The following PRPSAP2 variants were observed in gnomAD, a reference collection of about 807,000 sequenced individuals.
PRPSAP2 encodes the protein phosphoribosyl pyrophosphate synthetase associated protein 2.
A neutral mutation model predicts 40.6 loss-of-function variants in PRPSAP2; 24 were observed. The observed-to-expected ratio is 0.59, with a 90% CI of 0.43 to 0.83. PRPSAP2 has a LOEUF of 0.83. Among genes scored for constraint, PRPSAP2 ranks in the 40% least tolerant of loss-of-function variants. The pLI, the probability that PRPSAP2 is intolerant of heterozygous loss-of-function variation, is 0.00. For missense variants in PRPSAP2, 292 were observed against 465.6 expected (o/e 0.63, Z 3.43); for synonymous variants, 149 against 164.7 (o/e 0.90, Z 0.73).
At chr17:18,858,375 G>T (rs1380677289) in intron 1 of PRPSAP2, 114 bp downstream of exon 1, 2 of 152,436 alleles carry the variant, frequency 1.3e-5, no homozygotes, top group Non-Finnish European at 2.9e-5. Flanking sequence ...GACGGGTCGG[G>T]GTCCCTGGGT....
At chr17:18,922,930 C>T (rs1431453999) in intron 9 of PRPSAP2, among the ~76,000 whole-genome samples, 13 of 151,586 alleles carry the variant, frequency 8.6e-5, no homozygotes, top group East Asian at 3.9e-4. Flanking sequence ...CTGTCCACCT[C>T]GGCCTCCCAA....
At chr17:18,907,659 G>A (rs1486361120) in intron 8 of PRPSAP2, among the ~76,000 whole-genome samples, 1 of 152,056 alleles carries the variant, frequency 6.6e-6, no homozygotes, top group Non-Finnish European at 1.5e-5. Flanking sequence ...GCCCCAAATT[G>A]ATAATTATGC....
chr17:18,928,994 G>A, intron 11 of PRPSAP2, 37 bp downstream of exon 11: 1 of 1,590,552 alleles, frequency 6.3e-7, no homozygotes, highest in Middle Eastern at 1.8e-4. Context: ...ACAGCTGCCT[G>A]GGCTTTTGGC....
chr17:18,875,119 A>G lies in PRPSAP2; in HGVS notation c.239+2470A>G, dbSNP rs573325560. ...TCAGTTTCATATTCCTCTAATCAGA[A>G]TCACTCAGCACCCCTTTCATTTTCT... On this transcript the variant is annotated intron_variant, in intron 5 of 11. Coordinates refer to ENST00000268835, the MANE Select transcript of PRPSAP2 (RefSeq NM_002767.4). Among the ~76,000 whole-genome samples, 36 of 152,260 alleles carry G rather than the reference A, an allele frequency of 2.4e-4. No homozygotes were observed. The South Asian group carries it at 5.4e-3, about 23-fold the overall frequency.
rs547193379 is a variant in PRPSAP2, at chr17:18,911,426, G to T, written c.733+175G>T. On this transcript the variant is annotated intron_variant, in intron 9 of 11. Transcript: ENST00000268835. The surrounding 1 kb of genome is among the most constrained non-coding windows in gnomAD (Gnocchi z 4.5). ...TTCTGATTACCTTGTAAATTGTAAG[G>T]CCGTTTAGAAGCAGTCTGTCCTTCT... Among the ~76,000 whole-genome samples the T allele has an allele frequency of 1.8e-4, 27 of 152,182 alleles. No individual in the cohort carries two copies. Among genetic ancestry groups the T allele is most frequent in the African/African-American group, 6.5e-4 (27 of 41,512 alleles).
At chr17:18,900,946 C>G (rs920499796) in intron 8 of PRPSAP2, among the ~76,000 whole-genome samples, 1 of 152,126 alleles carries the variant, frequency 6.6e-6, no homozygotes, top group Non-Finnish European at 1.5e-5. Flanking sequence ...GCAGTTGCTC[C>G]TTACTGCTGA....
At chr17:18,860,351 T>C (rs550469837) in intron 1 of PRPSAP2, among the ~76,000 whole-genome samples, 1 of 152,346 alleles carries the variant, frequency 6.6e-6, no homozygotes, top group Non-Finnish European at 1.5e-5. Context: ...GCACTGCGCC[T>C]GGCCGGTTTT....
chr17:18,866,602 G>C (rs1273996232), intron 3 of PRPSAP2, among the ~76,000 whole-genome samples: 1 of 152,034 alleles, frequency 6.6e-6, no homozygotes, highest in Non-Finnish European at 1.5e-5. Flanking sequence ...ATAACTTATA[G>C]CTTATAGTTT....
chr17:18,924,685 C>T (rs749933251), intron 10 of PRPSAP2, among the ~76,000 whole-genome samples: 2 of 151,078 alleles, frequency 1.3e-5, no homozygotes, highest in African/African-American at 4.9e-5. Context: ...GGGAGGATCA[C>T]TTGAGCCTGG....
chr17:18,889,721 TC>T (rs1361619104), intron 7 of PRPSAP2, 100 bp from the exon 8 acceptor site: 1 of 917,966 alleles, frequency 1.1e-6, no homozygotes, highest in African/African-American at 1.7e-5. Flanking sequence ...TTGAACTTTT[TC>T]TTTTTTTGGA....
intron 9 of PRPSAP2, among the ~76,000 whole-genome samples, chr17:18,915,913 G>T (rs1291175845): frequency 6.6e-6 from 1 of 151,606 alleles, no homozygotes; most frequent in Admixed American, 6.6e-5. Context: ...TCCACCTCCT[G>T]GGTTCAAGCA....
chr17:18,917,258 A>G (rs2041372553), intron 9 of PRPSAP2, among the ~76,000 whole-genome samples: 1 of 152,116 alleles, frequency 6.6e-6, no homozygotes, highest in Non-Finnish European at 1.5e-5. Context: ...TTAATCACAT[A>G]CATACAGATG....
intron 4 of PRPSAP2, among the ~76,000 whole-genome samples, chr17:18,870,037 C>T (rs1377813373): frequency 1.3e-5 from 2 of 151,910 alleles, no homozygotes; most frequent in African/African-American, 4.8e-5. Context: ...TTGGTGGAGA[C>T]GGGCTTTCAC....
At chr17:18,863,053 C>A (rs1304060314) in intron 1 of PRPSAP2, among the ~76,000 whole-genome samples, 1 of 152,098 alleles carries the variant, frequency 6.6e-6, no homozygotes, top group African/African-American at 2.4e-5. Context: ...ATCTCCTGAC[C>A]TCGTGATCCA....
At chr17:18,866,179 C>T (rs1309892830) in intron 3 of PRPSAP2, among the ~76,000 whole-genome samples, 1 of 151,778 alleles carries the variant, frequency 6.6e-6, no homozygotes, top group African/African-American at 2.4e-5. Context: ...ATCCCATCTC[C>T]CTACATATTC....
At chr17:18,877,675 G>A (rs761708183) in intron 5 of PRPSAP2, 23 bp from the exon 6 acceptor site, 1 of 1,591,374 alleles carries the variant, frequency 6.3e-7, no homozygotes, top group Non-Finnish European at 8.5e-7. Context: ...CCCTTGATGA[G>A]ATTTGCTGTG....
chr17:18,873,027 A>T (rs2038005051), intron 5 of PRPSAP2, among the ~76,000 whole-genome samples: 1 of 151,674 alleles, frequency 6.6e-6, no homozygotes, highest in South Asian at 2.1e-4. Flanking sequence ...TTTTTAGTAG[A>T]GACGGGGTTT....
At chr17:18,879,467 T>C (rs1317987004) in intron 6 of PRPSAP2, among the ~76,000 whole-genome samples, 1 of 108,144 alleles carries the variant, frequency 9.2e-6, no homozygotes, top group African/African-American at 3.5e-5. Flanking sequence ...ATTATTTTTA[T>C]TTTTTATTTT....
At chr17:18,871,168 T>C (rs1451005841) in intron 4 of PRPSAP2, among the ~76,000 whole-genome samples, 1 of 151,920 alleles carries the variant, frequency 6.6e-6, no homozygotes, top group Non-Finnish European at 1.5e-5. Context: ...TATAGGTGTG[T>C]GCCACCAAGC....
Sources: allele counts gnomAD v4.1 joint callset (sites outside exome capture counted in the v4.1 genomes callset), GRCh38; gene constraint gnomAD v4.1.1; non-coding constraint Gnocchi (gnomAD v3.1); transcripts MANE v1.5; gene names NCBI Gene and HGNC (gene_info 2026-07-23, HGNC 2026-07-21).